POU2F2: variants seen among roughly 807,000 people sequenced by gnomAD.
POU2F2 encodes the protein POU domain, class 2, transcription factor 2.
A neutral mutation model predicts 63.5 loss-of-function variants in POU2F2; 14 were observed. The observed-to-expected ratio is 0.22, with a 90% CI of 0.15 to 0.34. The LOEUF is 0.34. Ranked by LOEUF, POU2F2 falls within the 10% of genes least tolerant of loss-of-function variation. The pLI is 1.00. For synonymous variants in POU2F2, 306 were observed against 348.6 expected, an observed-to-expected ratio of 0.88 and a Z score of 1.36; for missense variants, 607 against 815.2, an observed-to-expected ratio of 0.74 and a Z score of 3.11.
chr19:42,089,785 TTC>T lies in POU2F2; in HGVS notation c.*1470_*1471del, dbSNP rs1196347767. ...TAGTTTAAATTTATTGTTTGTTTGT[TTC>T]TGTTTTTTTGGTTTTCGGTTCAAAA... On this transcript the variant is annotated 3_prime_UTR_variant, in exon 15 of 15. Transcript: ENST00000692977. The T allele has an allele frequency of 1.3e-5, 2 of 151,282 alleles. No homozygotes were observed. The highest frequency in any genetic ancestry group is 3.9e-4 in the East Asian group (2 of 5,180). The allele number at this position is 151,282 out of a possible 1,614,324, so 9.4% of individuals were successfully genotyped here.
rs1013344995 is a variant in POU2F2, at chr19:42,089,661, G to A, written c.*1596C>T. 8.0e-5 allele frequency: 12 copies of A among 150,932 alleles called. No homozygotes were observed. Among genetic ancestry groups the A allele is most frequent in the African/African-American group, 2.7e-4 (11 of 40,980 alleles). The allele number at this position is 150,932 out of a possible 1,614,324, so 9.3% of individuals were successfully genotyped here. A position where few individuals can be genotyped will look rare whatever the true frequency, so the allele number is the denominator to read the frequency against. ...ACCACCGGTGCAGGGGCTTGGCTCC[G>A]CCTCGCGGTTCCATCTTATTCTTGA... On this transcript the variant is annotated 3_prime_UTR_variant, in exon 15 of 15. Coordinates refer to ENST00000692977, the MANE Select transcript of POU2F2 (RefSeq NM_001394376.1).
intron 12 of POU2F2, among the ~76,000 whole-genome samples, chr19:42,093,309 G>A (rs960015168): frequency 4.6e-5 from 7 of 151,612 alleles, no homozygotes; most frequent in African/African-American, 9.7e-5. Context: ...CACACCCAGC[G>A]AATTTTATAT....
At position 42,096,300 on chromosome 19, in the gene POU2F2, C is replaced by T; in HGVS notation, c.568-57G>A. The T allele has an allele frequency of 6.9e-7, 1 of 1,459,182 alleles. No individual in the cohort carries two copies. The highest frequency in any genetic ancestry group is 9.1e-7 in the Non-Finnish European group (1 of 1,094,628). The allele number at this position is 1,459,182 out of a possible 1,614,324, so 90.4% of individuals were successfully genotyped here. ...GGCGGAGGACCAGGATGGGGCTCAG[C>T]GATGGGTGCACAGTCCCCCTCCCGC... On this transcript the variant is annotated intron_variant, in intron 7 of 14. Transcript: ENST00000692977. The surrounding 1 kb of genome is among the most constrained non-coding windows in gnomAD (Gnocchi z 4.1).
At chr19:42,115,783 C>A (rs946539594) in intron 5 of POU2F2, among the ~76,000 whole-genome samples, 3 of 152,158 alleles carry the variant, frequency 2.0e-5, no homozygotes, top group Non-Finnish European at 4.4e-5. Flanking sequence ...CTCCTGGTAC[C>A]TGTAAATGTG....
intron 1 of POU2F2, among the ~76,000 whole-genome samples, chr19:42,171,564 G>A (rs561088790): frequency 1.3e-5 from 2 of 151,976 alleles, no homozygotes; most frequent in African/African-American, 2.4e-5. Context: ...GGGGCAGTGC[G>A]GTACAGGCAT....
rs751235076 is a variant in POU2F2, at chr19:42,122,386, G to A, written c.95-8C>T. 6 of 1,569,282 alleles carry A rather than the reference G, an allele frequency of 3.8e-6. No homozygotes were observed. The Middle Eastern group carries it at 5.1e-4, about 134-fold the overall frequency. ...GTCCATTTCTTTCGGTGTCTGCAAA[G>A]AGAGGGAAAGGATGTGTTGTCATCA... On this transcript the variant is annotated splice_polypyrimidine_tract_variant and splice_region_variant and intron_variant, in intron 2 of 14. Transcript: ENST00000692977.
Position 42,090,621 on chromosome 19 carries a change from T to A in POU2F2, c.*636A>T, listed in dbSNP as rs2076680360. ...ACATCCTTTGGATGAAGCTACTGAA[T>A]ATTTGGTGTAAGGTTGTTCAGGCCC... On this transcript the variant is annotated 3_prime_UTR_variant, in exon 15 of 15. Coordinates refer to ENST00000692977, the MANE Select transcript of POU2F2 (RefSeq NM_001394376.1). This position sits in a 1 kb window ranked among gnomAD's most constrained non-coding sequence, Gnocchi z 4.4. 6.5e-6 allele frequency: 1 copy of A among 152,764 alleles called. No homozygotes were observed. Among genetic ancestry groups the A allele is most frequent in the Non-Finnish European group, 1.5e-5 (1 of 68,124 alleles). 9.5% of individuals were successfully genotyped at this position (152,764 alleles called of 1,614,324 possible). A position where few individuals can be genotyped will look rare whatever the true frequency, so the allele number is the denominator to read the frequency against.
chr19:42,119,954 T>A (rs1319755489), intron 4 of POU2F2, among the ~76,000 whole-genome samples: 2 of 152,102 alleles, frequency 1.3e-5, no homozygotes, highest in African/African-American at 4.8e-5. Flanking sequence ...GGTCTTGCTC[T>A]GTCACCCAAG....
Position 42,096,018 on chromosome 19 carries a change from CG to C in POU2F2, c.729+63del, listed in dbSNP as rs1337122437. 20 of 1,609,448 alleles carry C rather than the reference CG, an allele frequency of 1.2e-5. No homozygotes were observed. The highest frequency in any genetic ancestry group is 1.7e-5 in the Non-Finnish European group (20 of 1,177,808). On this transcript the variant is annotated intron_variant, in intron 8 of 14. Coordinates refer to ENST00000692977, the MANE Select transcript of POU2F2 (RefSeq NM_001394376.1). This position sits in a 1 kb window ranked among gnomAD's most constrained non-coding sequence, Gnocchi z 4.1. The stretch of plus-strand genomic sequence containing the variant: ...CCGCCCGCCCACTGGCCACGCCCCT[CG>C]CGGCATCTATCAACTGGCCACGCCC...
rs1008918301 is a variant in POU2F2 at position 42,152,513 on chromosome 19, C to T, written c.-9+7819G>A. 14 of 152,364 alleles carry T rather than the reference C, an allele frequency of 9.2e-5. No individual in the cohort carries two copies. Among genetic ancestry groups the T allele is most frequent in the African/African-American group, 3.4e-4 (14 of 41,392 alleles). The allele number at this position is 152,364 out of a possible 1,614,324, so 9.4% of individuals were successfully genotyped here. ...GATCAATACGGCAGGGATATAAAGCCGGCTGGCTGGCTGCCTGCCTCTGCC... is the reference window on the plus strand; with the variant it reads ...GATCAATACGGCAGGGATATAAAGCTGGCTGGCTGGCTGCCTGCCTCTGCC... On this transcript the variant is annotated intron_variant, in intron 2 of 6. Coordinates refer to the POU2F2 transcript ENST00000524801. This position sits in a 1 kb window ranked among gnomAD's most constrained non-coding sequence, Gnocchi z 4.1.
Position 42,095,483 on chromosome 19 carries a change from A to C in POU2F2, c.1021-21T>G. On this transcript the variant is annotated intron_variant, in intron 10 of 14. Transcript: ENST00000692977. The surrounding 1 kb of genome is among the most constrained non-coding windows in gnomAD (Gnocchi z 7.1). ...TGGTTCTGCAGGCAGAGGGCTCGTTAGCCCGAGGCCCACCGCCCGCCACCC... is the reference window on the plus strand; with the variant it reads ...TGGTTCTGCAGGCAGAGGGCTCGTTCGCCCGAGGCCCACCGCCCGCCACCC... The C allele has an allele frequency of 6.2e-7, 1 of 1,609,192 alleles. No homozygotes were observed. Among genetic ancestry groups the C allele is most frequent in the Non-Finnish European group, 8.5e-7 (1 of 1,178,058 alleles).
At chr19:42,124,784 G>A (rs562514522) in intron 1 of POU2F2, among the ~76,000 whole-genome samples, 18 of 152,348 alleles carry the variant, frequency 1.2e-4, no homozygotes, top group Middle Eastern at 3.4e-3. Context: ...TTGGAGACAT[G>A]AGGCTGAATG....
chr19:42,107,432 GT>G, intron 5 of POU2F2, among the ~76,000 whole-genome samples: 1 of 152,236 alleles, frequency 6.6e-6, no homozygotes, highest in Admixed American at 6.5e-5. Flanking sequence ...TCATTTATGG[GT>G]TTCTTTATTA....
intron 5 of POU2F2, among the ~76,000 whole-genome samples, chr19:42,111,958 C>G (rs1252101921): frequency 1.3e-5 from 2 of 152,182 alleles, no homozygotes; most frequent in African/African-American, 4.8e-5. Context: ...ACATGGAACC[C>G]AGGAAGTTGT....
Position 42,120,646 on chromosome 19 carries a change from G to C in POU2F2, c.186+1480C>G, listed in dbSNP as rs543379356. 3.3e-5 allele frequency among the ~76,000 whole-genome samples: 5 copies of C among 152,250 alleles called. No individual in the cohort carries two copies. The East Asian group carries it at 9.6e-4, about 29-fold the overall frequency. On this transcript the variant is annotated intron_variant, in intron 4 of 14. Coordinates refer to ENST00000692977, the MANE Select transcript of POU2F2 (RefSeq NM_001394376.1). The stretch of plus-strand genomic sequence containing the variant: ...AATAATCATCATATTTATTTCCATG[G>C]CAAGTGATTCTGGTTTTCCATTTGT...
In POU2F2 at chr19:42,086,889, A is replaced by AT. The variant is rs1027950946; in HGVS notation, c.*4367dup. On this transcript the variant is annotated 3_prime_UTR_variant, in exon 15 of 15. Coordinates refer to ENST00000692977, the MANE Select transcript of POU2F2 (RefSeq NM_001394376.1). ...CCATCCCAGCAACACTTCTCTCTGG[A>AT]TTTTTCTCTCCTTTTGTTTGTTTAA... is the stretch of plus-strand genomic sequence containing the variant. 7 of 152,102 alleles carry AT rather than the reference A, an allele frequency of 4.6e-5. No homozygotes were observed. The highest frequency in any genetic ancestry group is 1.4e-4 in the African/African-American group (6 of 41,416). The allele number at this position is 152,102 out of a possible 1,614,324, so 9.4% of individuals were successfully genotyped here. A position where few individuals can be genotyped will look rare whatever the true frequency, so the allele number is the denominator to read the frequency against.
intron 3 of POU2F2, 27 bp downstream of exon 3, chr19:42,122,317 C>G (rs371528133): frequency 1.9e-6 from 3 of 1,596,962 alleles, no homozygotes; most frequent in Admixed American, 3.4e-5. Flanking sequence ...CTTCCCACCC[C>G]CTCCCGCTTA....
chr19:42,117,365 A>G lies in POU2F2; in HGVS notation c.254T>C (p.Ile85Thr). 2.0e-6 allele frequency: 3 copies of G among 1,529,532 alleles called. No individual in the cohort carries two copies. The highest frequency in any genetic ancestry group is 2.6e-6 in the Non-Finnish European group (3 of 1,147,676). The allele number at this position is 1,529,532 out of a possible 1,614,324, so 94.7% of individuals were successfully genotyped here. Residue 85 changes from isoleucine to threonine, a missense_variant, in exon 5 of 15, where the codon ATC becomes ACC. Ile to Thr is a moderately conservative substitution (Grantham distance 89, BLOSUM62 -1). Coordinates refer to ENST00000692977, the MANE Select transcript of POU2F2 (RefSeq NM_001394376.1). The surrounding 1 kb of genome is among the most constrained non-coding windows in gnomAD (Gnocchi z 4.4). ...ATCGCCACTGGGGTCTTCAGCCTTG[A>G]TCTGGGGGGGAGAGAGGCAGGGTCC... ...GPGPCLSPPQ[I>T]KAEDPSGDSA...
rs372763265 is a variant in POU2F2 at position 42,144,800 on chromosome 19, T to C, written c.-9+15532A>G. On this transcript the variant is annotated intron_variant, in intron 2 of 6. Coordinates refer to the POU2F2 transcript ENST00000524801. ...AAGGCGGGTCAGAGAGGGCAAGGAC[T>C]TGCCCAGACTCAGTCATGGGCAAGC... 5.3e-5 allele frequency among the ~76,000 whole-genome samples: 8 copies of C among 152,236 alleles called. No homozygotes were observed. The South Asian group carries it at 1.2e-3, about 24-fold the overall frequency.
Sources: gnomAD v4.1 joint callset for allele counts (sites outside exome capture counted in the v4.1 genomes callset) on GRCh38, gnomAD v4.1.1 for gene constraint, Gnocchi (gnomAD v3.1) non-coding constraint, MANE v1.5 for transcripts, NCBI Gene and HGNC (gene_info 2026-07-23, HGNC 2026-07-21) for gene names.